The following CCSER1 variants were observed in gnomAD, a reference collection of about 807,000 sequenced individuals.
The protein encoded by CCSER1 is serine-rich coiled-coil domain-containing protein 1.
In CCSER1, 41 loss-of-function variants were observed where a neutral mutation model predicts 82.0. The observed-to-expected ratio is 0.50, with a 90% CI of 0.39 to 0.65. CCSER1 has a LOEUF of 0.65. Among genes scored for constraint, CCSER1 ranks in the 30% least tolerant of loss-of-function variants. The probability of loss-of-function intolerance (pLI) is 0.00; values close to 1 mark genes in which losing one functional copy is unlikely to be tolerated. For missense variants in CCSER1, 1,119 were observed against 1,064.2 expected, an observed-to-expected ratio of 1.05 and a Z score of -0.72; for synonymous variants, 414 against 383.9, an observed-to-expected ratio of 1.08 and a Z score of -0.92.
chr4:90,916,464 G>T (rs375711011), intron 8 of CCSER1, among the ~76,000 whole-genome samples: 13 of 151,960 alleles, frequency 8.6e-5, no homozygotes, highest in South Asian at 8.3e-4. Context: ...TCGCCATATG[G>T]AGAAAGCTGA....
chr4:90,549,140 G>C (rs1191151162), intron 5 of CCSER1, among the ~76,000 whole-genome samples: 3 of 152,116 alleles, frequency 2.0e-5, no homozygotes, highest in Non-Finnish European at 4.4e-5. Context: ...ATCCACTGCT[G>C]TTTCCTTCAC....
chr4:91,095,394 G>A (rs891820614), intron 10 of CCSER1, among the ~76,000 whole-genome samples: 3 of 152,126 alleles, frequency 2.0e-5, no homozygotes, highest in East Asian at 3.9e-4. Context: ...CCCTTTGGGG[G>A]GGATCCCTCT....
chr4:91,407,223 A>T (rs1199779892), intron 10 of CCSER1, among the ~76,000 whole-genome samples: 2 of 152,200 alleles, frequency 1.3e-5, no homozygotes, highest in Non-Finnish European at 2.9e-5. Context: ...ACTTTGAACA[A>T]CTCGAGATCC....
chr4:90,825,212 C>A (rs1293666354), intron 8 of CCSER1, among the ~76,000 whole-genome samples: 1 of 152,102 alleles, frequency 6.6e-6, no homozygotes, highest in Non-Finnish European at 1.5e-5. Context: ...AGGTGTTTTA[C>A]CTTTAAGGCA....
intron 7 of CCSER1, among the ~76,000 whole-genome samples, chr4:90,802,166 C>T (rs1756920992): frequency 6.6e-6 from 1 of 150,622 alleles, no homozygotes; most frequent in Admixed American, 6.6e-5. Context: ...TGCAGTGAGC[C>T]AAGATCATGC....
chr4:90,556,415 G>A (rs1394023625), intron 5 of CCSER1, among the ~76,000 whole-genome samples: 1 of 152,032 alleles, frequency 6.6e-6, no homozygotes, highest in African/African-American at 2.4e-5. Flanking sequence ...GGCTTATTCA[G>A]TCAAAAAAAT....
chr4:91,386,636 G>C (rs890445868), intron 10 of CCSER1, among the ~76,000 whole-genome samples: 2 of 152,006 alleles, frequency 1.3e-5, no homozygotes, highest in African/African-American at 4.8e-5. Context: ...CTGCCAATAA[G>C]TTGGAAAAGA....
chr4:91,069,129 G>A (rs368081707), intron 9 of CCSER1, among the ~76,000 whole-genome samples: 31 of 152,028 alleles, frequency 2.0e-4, no homozygotes, highest in Admixed American at 1.4e-3. Context: ...AGCTGAGATC[G>A]CGCCACTGCA....
intron 10 of CCSER1, among the ~76,000 whole-genome samples, chr4:91,379,225 G>A (rs1430715401): frequency 6.6e-6 from 1 of 152,004 alleles, no homozygotes; most frequent in Non-Finnish European, 1.5e-5. Context: ...TTTTTGTTGT[G>A]TCTCTGTCAG....
At chr4:90,761,193 A>G (rs1477603097) in intron 7 of CCSER1, among the ~76,000 whole-genome samples, 3 of 151,986 alleles carry the variant, frequency 2.0e-5, no homozygotes, top group Non-Finnish European at 2.9e-5. Flanking sequence ...TAGACTCCCT[A>G]CCCTCACACT....
intron 10 of CCSER1, among the ~76,000 whole-genome samples, chr4:91,357,812 A>G (rs1748950466): frequency 1.3e-5 from 2 of 150,038 alleles, no homozygotes; most frequent in African/African-American, 4.9e-5. Flanking sequence ...TCTTTAAACA[A>G]CCAGTTAATT....
At chr4:90,784,176 A>G (rs1754171674) in intron 7 of CCSER1, among the ~76,000 whole-genome samples, 1 of 152,306 alleles carries the variant, frequency 6.6e-6, no homozygotes, top group South Asian at 2.1e-4. Flanking sequence ...ATGTAGTAGC[A>G]TTCTGAGTGA....
chr4:91,137,753 CA>C (rs1388336003), intron 10 of CCSER1, among the ~76,000 whole-genome samples: 1 of 152,036 alleles, frequency 6.6e-6, no homozygotes, highest in Non-Finnish European at 1.5e-5. Context: ...TGCACAAAAT[CA>C]ATGTACAAAA....
At position 90,309,628 on chromosome 4, in the gene CCSER1, A is replaced by G. The variant is rs1048340041; in HGVS notation, c.1324+20A>G. 4.0e-6 allele frequency: 6 copies of G among 1,502,156 alleles called. No homozygotes were observed. Among genetic ancestry groups the G allele is most frequent in the Non-Finnish European group, 5.4e-6 (6 of 1,120,466 alleles). 93.1% of individuals were successfully genotyped at this position (1,502,156 alleles called of 1,614,324 possible). A position where few individuals can be genotyped will look rare whatever the true frequency, so the allele number is the denominator to read the frequency against. ...CCAAAGGTATGCTGATTTTTTTTGT[A>G]TAACAAATGATATGAATTAATTTTC... On this transcript the variant is annotated intron_variant, in intron 2 of 10. Transcript: ENST00000509176.
chr4:91,174,285 T>C (rs1733075849), intron 10 of CCSER1, among the ~76,000 whole-genome samples: 1 of 152,102 alleles, frequency 6.6e-6, no homozygotes, highest in Non-Finnish European at 1.5e-5. Context: ...TTTTAAGACA[T>C]TTATTTTGTA....
At chr4:91,380,545 T>C (rs1215688267) in intron 10 of CCSER1, among the ~76,000 whole-genome samples, 1 of 152,206 alleles carries the variant, frequency 6.6e-6, no homozygotes, top group Non-Finnish European at 1.5e-5. Context: ...TTAAAGTCTG[T>C]TTTATCAGAG....
intron 5 of CCSER1, among the ~76,000 whole-genome samples, chr4:90,627,179 AAGATAAGTAAAC>A (rs1312183788): frequency 6.6e-6 from 1 of 152,182 alleles, no homozygotes; most frequent in Admixed American, 6.5e-5. Context: ...CATATCTGTG[AAGATAAGTAAAC>A]AGTTGAATAT....
chr4:90,577,297 A>C (rs1280424237), intron 5 of CCSER1, among the ~76,000 whole-genome samples: 1 of 152,144 alleles, frequency 6.6e-6, no homozygotes, highest in African/African-American at 2.4e-5. Flanking sequence ...AACTTGGTAG[A>C]GTTCCTAAGG....
intron 6 of CCSER1, among the ~76,000 whole-genome samples, chr4:90,718,551 G>C (rs1213348477): frequency 6.6e-6 from 1 of 152,076 alleles, no homozygotes; most frequent in African/African-American, 2.4e-5. Flanking sequence ...ATTCCCATAT[G>C]GAACATGAAA....
Sources: allele counts gnomAD v4.1 joint callset (sites outside exome capture counted in the v4.1 genomes callset), GRCh38; gene constraint gnomAD v4.1.1; transcripts MANE v1.5; gene names NCBI Gene and HGNC (gene_info 2026-07-23, HGNC 2026-07-21).